MVB12B: variants seen among roughly 807,000 people sequenced by gnomAD.
MVB12B encodes multivesicular body subunit 12B.
A neutral mutation model predicts 41.6 loss-of-function variants in MVB12B; 16 were observed. The observed-to-expected ratio is 0.38, with a 90% CI of 0.26 to 0.58. The LOEUF (loss-of-function observed/expected upper bound fraction) is 0.58, where lower values mean the gene tolerates loss of function less well. Among genes scored for constraint, MVB12B ranks in the 20% least tolerant of loss-of-function variants. The pLI is 0.62. For synonymous variants in MVB12B, 133 were observed against 139.7 expected, an observed-to-expected ratio of 0.95 and a Z score of 0.34; for missense variants, 274 against 380.2, an observed-to-expected ratio of 0.72 and a Z score of 2.32.
intron 9 of MVB12B, among the ~76,000 whole-genome samples, chr9:126,493,090 A>T (rs113666109): frequency 2.0e-5 from 3 of 152,140 alleles, no homozygotes; most frequent in Non-Finnish European, 4.4e-5. Flanking sequence ...GTGTTCTGCT[A>T]TACAAAAGTT....
chr9:126,408,173 G>A (rs2119045385), intron 6 of MVB12B: 1 of 152,352 alleles, frequency 6.6e-6, no homozygotes, highest in Non-Finnish European at 1.5e-5. Context: ...ATGCAAATAA[G>A]CGTTATTAGC....
chr9:126,483,834 ACTGT>A, intron 8 of MVB12B, 135 bp from the exon 9 acceptor site: 1 of 843,602 alleles, frequency 1.2e-6, no homozygotes, highest in Non-Finnish European at 2.0e-6. Context: ...AGTCCCACTG[ACTGT>A]CTTCCTGTGG....
intron 2 of MVB12B, among the ~76,000 whole-genome samples, chr9:126,348,912 C>T (rs542020880): frequency 2.6e-5 from 4 of 152,194 alleles, no homozygotes; most frequent in Admixed American, 6.5e-5. Flanking sequence ...TGTTTTAAAA[C>T]GTGCCCAGGT....
rs865867922 is a variant in MVB12B, at chr9:126,340,512, A to C, written c.86A>C (p.Gln29Pro). The C allele has an allele frequency of 6.2e-7, 1 of 1,614,134 alleles. No individual in the cohort carries two copies. The highest frequency in any genetic ancestry group is 1.3e-5 in the African/African-American group (1 of 75,074). The stretch of plus-strand genomic sequence containing the variant: ...CTTTTTCCTTTGCTGAACCAGGACC[A>C]GTCCACCATGCCTGAAGTCAAAGAC... ...PPPPPQRGTD[Q>P]STMPEVKDLS... Residue 29 changes from glutamine to proline, a missense_variant, in exon 2 of 10, where the codon CAG becomes CCG. Coordinates refer to ENST00000361171, the MANE Select transcript of MVB12B (RefSeq NM_033446.3). This position sits in a 1 kb window ranked among gnomAD's most constrained non-coding sequence, Gnocchi z 4.0.
chr9:126,375,502 T>C (rs964847452), intron 2 of MVB12B, among the ~76,000 whole-genome samples: 3 of 151,272 alleles, frequency 2.0e-5, no homozygotes, highest in African/African-American at 7.3e-5. Context: ...CCCCTCCACA[T>C]CCCCTCCTCC....
In MVB12B at chr9:126,392,289, C is replaced by G; in HGVS notation, c.539+94C>G. 6.9e-6 allele frequency: 10 copies of G among 1,449,024 alleles called. No homozygotes were observed. The highest frequency in any genetic ancestry group is 8.6e-6 in the Non-Finnish European group (9 of 1,049,824). 89.8% of individuals were successfully genotyped at this position (1,449,024 alleles called of 1,614,324 possible). A position where few individuals can be genotyped will look rare whatever the true frequency, so the allele number is the denominator to read the frequency against. ...GAGGTCCAAGAGATTTCCATGCAGC[C>G]CCCCAGGCTCTCAGCCATGGGCCTC... On this transcript the variant is annotated intron_variant, in intron 5 of 9. Transcript: ENST00000361171. This position sits in a 1 kb window ranked among gnomAD's most constrained non-coding sequence, Gnocchi z 4.8.
intron 7 of MVB12B, among the ~76,000 whole-genome samples, chr9:126,469,224 C>T (rs764985191): frequency 2.0e-5 from 3 of 152,132 alleles, no homozygotes; most frequent in East Asian, 1.9e-4. Flanking sequence ...CATGCCAACA[C>T]GCAGGTGAAT....
chr9:126,463,627 G>C (rs1281241230), intron 7 of MVB12B, among the ~76,000 whole-genome samples: 1 of 152,124 alleles, frequency 6.6e-6, no homozygotes, highest in Non-Finnish European at 1.5e-5. Flanking sequence ...GGAGGAAGAA[G>C]TCTGGGGCCC....
chr9:126,451,056 G>A (rs1025836489), intron 7 of MVB12B, among the ~76,000 whole-genome samples: 2 of 152,182 alleles, frequency 1.3e-5, no homozygotes, highest in African/African-American at 4.8e-5. Context: ...TGGACAGCAA[G>A]GTCACGTACT....
chr9:126,377,362 A>C (rs771624077), intron 2 of MVB12B, among the ~76,000 whole-genome samples: 1 of 152,190 alleles, frequency 6.6e-6, no homozygotes, highest in African/African-American at 2.4e-5. Context: ...CAGCAGACAT[A>C]TCGAGTTGTC....
In MVB12B at chr9:126,436,186, G is replaced by C. The variant is rs967460445; in HGVS notation, c.757+14238G>C. ...GCATAGTTTCTGGTTATTTTGCCAG[G>C]AGGCTCTCTCGTGTTCGGGCATTTG... On this transcript the variant is annotated intron_variant, in intron 7 of 9. Transcript: ENST00000361171. The surrounding 1 kb of genome is among the most constrained non-coding windows in gnomAD (Gnocchi z 4.1). 6.6e-6 allele frequency among the ~76,000 whole-genome samples: 1 copy of C among 152,216 alleles called. No homozygotes were observed. Among genetic ancestry groups the C allele is most frequent in the African/African-American group, 2.4e-5 (1 of 41,446 alleles).
intron 6 of MVB12B, among the ~76,000 whole-genome samples, chr9:126,418,751 G>T (rs571628470): frequency 6.6e-6 from 1 of 152,138 alleles, no homozygotes; most frequent in South Asian, 2.1e-4. Flanking sequence ...AGCCTCGAGT[G>T]CTCACCCCTC....
chr9:126,499,186 G>A (rs372648561), intron 9 of MVB12B, among the ~76,000 whole-genome samples: 22 of 152,276 alleles, frequency 1.4e-4, no homozygotes, highest in African/African-American at 5.0e-4. Flanking sequence ...AAGGCTTTTA[G>A]AAGCTGAGAC....
At chr9:126,465,470 C>T (rs1184111455) in intron 7 of MVB12B, among the ~76,000 whole-genome samples, 1 of 152,094 alleles carries the variant, frequency 6.6e-6, no homozygotes, top group Non-Finnish European at 1.5e-5. Flanking sequence ...CTAGCCCAAC[C>T]CTTTTACTCT....
At chr9:126,483,612 A>T (rs976959288) in intron 8 of MVB12B, among the ~76,000 whole-genome samples, 54 of 152,276 alleles carry the variant, frequency 3.5e-4, no homozygotes, top group Middle Eastern at 3.4e-3. Context: ...AGCGAGAAAG[A>T]GCAAACCTTG....
At chr9:126,401,966 G>A (rs1405205205) in intron 6 of MVB12B, among the ~76,000 whole-genome samples, 1 of 152,228 alleles carries the variant, frequency 6.6e-6, no homozygotes, top group Non-Finnish European at 1.5e-5. Flanking sequence ...CTGTCCTGTT[G>A]TTGCAGGACT....
intron 7 of MVB12B, among the ~76,000 whole-genome samples, chr9:126,476,688 A>G (rs541558059): frequency 3.9e-5 from 6 of 152,132 alleles, no homozygotes; most frequent in African/African-American, 7.2e-5. Context: ...CATCCTGGCT[A>G]ACACGGTGAA....
intron 2 of MVB12B, among the ~76,000 whole-genome samples, chr9:126,346,374 G>A (rs146100690): frequency 8.5e-5 from 13 of 152,278 alleles, no homozygotes; most frequent in African/African-American, 2.6e-4. Context: ...ATGTTGGGAG[G>A]TGGGGGAGTA....
intron 7 of MVB12B, among the ~76,000 whole-genome samples, chr9:126,474,247 C>T (rs767669880): frequency 6.6e-6 from 1 of 152,198 alleles, no homozygotes; most frequent in Non-Finnish European, 1.5e-5. Context: ...CTGCATGGGA[C>T]TCAGAAATAG....
Sources: gnomAD v4.1 joint callset for allele counts (sites outside exome capture counted in the v4.1 genomes callset) on GRCh38, gnomAD v4.1.1 for gene constraint, Gnocchi (gnomAD v3.1) non-coding constraint, MANE v1.5 for transcripts, NCBI Gene and HGNC (gene_info 2026-07-23, HGNC 2026-07-21) for gene names.